The following DRC4 variants were observed in gnomAD, a reference collection of about 807,000 sequenced individuals.
DRC4 encodes GAS-11.
chr16:90,022,526 G>A, the DRC4 span: 2 of 509,362 alleles, frequency 3.9e-6, no homozygotes, highest in East Asian at 3.5e-5. Context: ...TTTTCCCAAC[G>A]TTCACAACCG....
the DRC4 span, chr16:90,022,589 C>G: frequency 1.9e-6 from 2 of 1,066,130 alleles, no homozygotes; most frequent in Non-Finnish European, 2.5e-6. Flanking sequence ...TTGGCAGGGC[C>G]GCTGCCCGGC....
At chr16:90,019,965 G>A in the DRC4 span, 1 of 698,372 alleles carries the variant, frequency 1.4e-6, no homozygotes, top group Non-Finnish European at 2.6e-6. The surrounding 1 kb of genome is among the most constrained non-coding windows in gnomAD (Gnocchi z 6.1). Context: ...TGGGAGGTAA[G>A]GAGAGGGCGG....
the DRC4 span, chr16:90,027,957 G>A: frequency 1.1e-5 from 6 of 528,258 alleles, no homozygotes; most frequent in Non-Finnish European, 2.0e-5. Context: ...TAGGAGTGTG[G>A]AAGGACATGC....
At chr16:90,040,803 G>A in the DRC4 span, among the ~76,000 whole-genome samples, 1 of 151,626 alleles carries the variant, frequency 6.6e-6, no homozygotes, top group Admixed American at 6.6e-5. Flanking sequence ...CCGCCAGGAG[G>A]CTGAGTCCAC....
At chr16:90,042,039 G>T in the DRC4 span, among the ~76,000 whole-genome samples, 1 of 151,990 alleles carries the variant, frequency 6.6e-6, no homozygotes, top group African/African-American at 2.4e-5. Flanking sequence ...CCAGGTTCAA[G>T]CAATTCTCAT....
the DRC4 span, among the ~76,000 whole-genome samples, chr16:90,031,942 TG>T: frequency 6.6e-6 from 1 of 150,526 alleles, no homozygotes; most frequent in Non-Finnish European, 1.5e-5. Flanking sequence ...TATGTGCAGG[TG>T]AGGTGTGGGG....
the DRC4 span, among the ~76,000 whole-genome samples, chr16:90,021,608 C>T: frequency 6.6e-6 from 1 of 151,906 alleles, no homozygotes; most frequent in Non-Finnish European, 1.5e-5. Flanking sequence ...GTGGGGCTCA[C>T]GTGCTCCCAG....
chr16:90,041,206 G>C, the DRC4 span, among the ~76,000 whole-genome samples: 1 of 152,232 alleles, frequency 6.6e-6, no homozygotes, highest in Non-Finnish European at 1.5e-5. Context: ...CACGCGCCAG[G>C]GTGAGGATGG....
the DRC4 span, chr16:90,040,543 C>T: frequency 8.3e-4 from 1,271 of 1,531,402 alleles, 1 homozygote; most frequent in Middle Eastern, 1.4e-3. Context: ...CCCCAGTGGG[C>T]GGCCTCATCC....
chr16:90,035,313 T>C, the DRC4 span, among the ~76,000 whole-genome samples: 1 of 152,196 alleles, frequency 6.6e-6, no homozygotes, highest in South Asian at 2.1e-4. Flanking sequence ...ATGACAGGAA[T>C]GAATCCTTTT....
the DRC4 span, chr16:90,035,932 C>T: frequency 4.3e-5 from 61 of 1,418,720 alleles, no homozygotes; most frequent in African/African-American, 8.5e-4. Context: ...TAGCTAAAAT[C>T]AGTAGTTATC....
At chr16:90,039,382 T>C in the DRC4 span, among the ~76,000 whole-genome samples, 2 of 151,970 alleles carry the variant, frequency 1.3e-5, no homozygotes, top group South Asian at 4.2e-4. Flanking sequence ...TATTTATTTA[T>C]TTATTTATTT....
At chr16:90,027,402 A>C in the DRC4 span, among the ~76,000 whole-genome samples, 1 of 152,042 alleles carries the variant, frequency 6.6e-6, no homozygotes, top group South Asian at 2.1e-4. Context: ...TCTTTTCTAG[A>C]AGGAATGTTC....
the DRC4 span, chr16:90,036,658 A>G: frequency 1.5e-6 from 2 of 1,365,634 alleles, no homozygotes; most frequent in South Asian, 2.5e-5. Flanking sequence ...AGTCCTGGGG[A>G]TCCAGACCCC....
chr16:90,022,748 T>C, the DRC4 span: 2 of 1,391,820 alleles, frequency 1.4e-6, no homozygotes, highest in Non-Finnish European at 1.9e-6. Flanking sequence ...GGAGCGGGGC[T>C]GGGGTCCTCG....
chr16:90,022,887 T>A, the DRC4 span, among the ~76,000 whole-genome samples: 6 of 152,040 alleles, frequency 3.9e-5, no homozygotes, highest in African/African-American at 7.2e-5. Context: ...TGGGGCAAAC[T>A]CAGGATGCTC....
chr16:90,021,257 C>T, the DRC4 span, among the ~76,000 whole-genome samples: 1 of 152,204 alleles, frequency 6.6e-6, no homozygotes, highest in African/African-American at 2.4e-5. Flanking sequence ...AAACCCAGCT[C>T]ATGTGGCAAC....
the DRC4 span, among the ~76,000 whole-genome samples, chr16:90,030,264 A>G: frequency 6.6e-6 from 1 of 152,194 alleles, no homozygotes; most frequent in South Asian, 2.1e-4. Context: ...ATGCTGCTAC[A>G]TCATTTGCAT....
At chr16:90,022,985 G>A in the DRC4 span, among the ~76,000 whole-genome samples, 6 of 152,126 alleles carry the variant, frequency 3.9e-5, no homozygotes, top group Admixed American at 1.3e-4. Context: ...AACGCCCAGG[G>A]CCCGGGGTCG....
Sources: allele counts gnomAD v4.1 joint callset (sites outside exome capture counted in the v4.1 genomes callset), GRCh38; gene constraint gnomAD v4.1.1; non-coding constraint Gnocchi (gnomAD v3.1); transcripts MANE v1.5; gene names NCBI Gene and HGNC (gene_info 2026-07-23, HGNC 2026-07-21).